The following MTMR3 variants were observed in gnomAD, a reference collection of about 807,000 sequenced individuals.
MTMR3 encodes the protein myotubularin related protein 3.
In MTMR3, 32 loss-of-function variants were observed where a neutral mutation model predicts 132.4. The ratio of observed to expected loss-of-function variants is 0.24; its 90% CI spans 0.18 to 0.32. The LOEUF (loss-of-function observed/expected upper bound fraction) is 0.32, where lower values mean the gene tolerates loss of function less well. Ranked by LOEUF, MTMR3 falls within the 10% of genes least tolerant of loss-of-function variation. The probability of loss-of-function intolerance (pLI) is 1.00; values close to 1 mark genes in which losing one functional copy is unlikely to be tolerated. For missense variants in MTMR3, 1,216 were observed against 1,489.6 expected, an observed-to-expected ratio of 0.82 and a Z score of 3.02; for synonymous variants, 556 against 550.3, an observed-to-expected ratio of 1.01 and a Z score of -0.14.
At position 30,029,873 on chromosome 22, in the gene MTMR3, A is replaced by G. The variant is rs897607037; in HGVS notation, c.*4072A>G. On this transcript the variant is annotated 3_prime_UTR_variant, in exon 20 of 20. Transcript: ENST00000401950. ...GTCACATTTTCCAGAAAGTTGTTCT[A>G]AGTTGAGATTACTGACAAGATTTCT... 2 of 152,330 alleles carry G rather than the reference A, an allele frequency of 1.3e-5. No individual in the cohort carries two copies. The highest frequency in any genetic ancestry group is 6.5e-5 in the Admixed American group (1 of 15,276). The allele number at this position is 152,330 out of a possible 1,614,324, so 9.4% of individuals were successfully genotyped here. A position where few individuals can be genotyped will look rare whatever the true frequency, so the allele number is the denominator to read the frequency against.
intron 1 of MTMR3, among the ~76,000 whole-genome samples, chr22:29,918,470 A>C (rs1374770231): frequency 6.6e-6 from 1 of 152,128 alleles, no homozygotes; most frequent in Non-Finnish European, 1.5e-5. Flanking sequence ...TTTCTTTTTC[A>C]TATATTTGCC....
chr22:29,956,427 A>G (rs1013486348), intron 1 of MTMR3, among the ~76,000 whole-genome samples: 6 of 151,958 alleles, frequency 3.9e-5, no homozygotes, highest in Non-Finnish European at 7.4e-5. Context: ...TTGTATTTTT[A>G]GTAGAGACGG....
chr22:29,926,872 C>T (rs2065527864), intron 1 of MTMR3, among the ~76,000 whole-genome samples: 1 of 152,168 alleles, frequency 6.6e-6, no homozygotes, highest in Non-Finnish European at 1.5e-5. Flanking sequence ...TCTTTAGCCA[C>T]TAAATGCTTT....
At chr22:30,001,857 A>G (rs1190453930) in intron 8 of MTMR3, 3 of 152,136 alleles carry the variant, frequency 2.0e-5, no homozygotes, top group African/African-American at 4.8e-5. Context: ...AAATTCCTGA[A>G]AATTCCAGAA....
At chr22:29,934,828 A>G (rs1432589264) in intron 1 of MTMR3, among the ~76,000 whole-genome samples, 1 of 152,262 alleles carries the variant, frequency 6.6e-6, no homozygotes, top group Non-Finnish European at 1.5e-5. Context: ...TGAATAAGAT[A>G]GTGCGTAAAA....
chr22:29,919,387 A>C lies in MTMR3; in HGVS notation c.-138+36028A>C, dbSNP rs144878410. 5.9e-5 allele frequency among the ~76,000 whole-genome samples: 9 copies of C among 152,364 alleles called. No individual in the cohort carries two copies. The East Asian group carries it at 1.7e-3, about 29-fold the overall frequency. On this transcript the variant is annotated intron_variant, in intron 1 of 19. Transcript: ENST00000401950. Reference sequence around the variant, plus strand: ...ACTGTCCAATTTTATGTGCATTGAAAGCAAAAGCTAGCTGAGAAAGGAAAG... The same window carrying C: ...ACTGTCCAATTTTATGTGCATTGAACGCAAAAGCTAGCTGAGAAAGGAAAG...
At chr22:29,997,351 G>GTGAACACTAAAGTGTTCTGAACA (rs1174213179) in intron 7 of MTMR3, 1 of 152,152 alleles carries the variant, frequency 6.6e-6, no homozygotes, top group Admixed American at 6.5e-5. Context: ...GGAGAACAAA[G>GTGAACACTAAAGTGTTCTGAACA]CTTTATACTC....
chr22:30,010,541 A>C (rs2067391616), intron 12 of MTMR3: 1 of 152,176 alleles, frequency 6.6e-6, no homozygotes, highest in Non-Finnish European at 1.5e-5. Context: ...GGATAGGGGA[A>C]TGGTAGGCTT....
rs1446203159 is a variant in MTMR3, at chr22:30,012,570, C to G, written c.1317+7C>G. The stretch of plus-strand genomic sequence containing the variant: ...TTATTACCGAACCATAGAGGTGAGC[C>G]CATCCAAATGGGAGGGGTTGGTACT... On this transcript the variant is annotated splice_region_variant and intron_variant, in intron 13 of 19. Transcript: ENST00000401950. The G allele has an allele frequency of 6.3e-7, 1 of 1,592,274 alleles. No homozygotes were observed. The highest frequency in any genetic ancestry group is 1.1e-5 in the South Asian group (1 of 88,690).
At chr22:29,901,932 A>G (rs2065008673) in intron 1 of MTMR3, among the ~76,000 whole-genome samples, 1 of 152,220 alleles carries the variant, frequency 6.6e-6, no homozygotes, top group African/African-American at 2.4e-5. Flanking sequence ...TGGATGTACA[A>G]CAACTTGTGT....
intron 9 of MTMR3, chr22:30,003,428 G>A (rs737911): frequency 0.24 from 36,395 of 151,502 alleles, 5,729 homozygotes; most frequent in Non-Finnish European, 0.36. Flanking sequence ...ACTCTGTTTC[G>A]AGAGGAAGCA....
intron 1 of MTMR3, among the ~76,000 whole-genome samples, chr22:29,937,912 A>G (rs111864548): frequency 0.016 from 2,509 of 152,236 alleles, 67 homozygotes; most frequent in African/African-American, 0.058. Context: ...TTGAGACAGG[A>G]ATAATACAGG....
At chr22:29,944,030 G>A (rs932159881) in intron 1 of MTMR3, among the ~76,000 whole-genome samples, 1 of 151,730 alleles carries the variant, frequency 6.6e-6, no homozygotes, top group Non-Finnish European at 1.5e-5. Context: ...TGTTGCCTAG[G>A]CTGTTCTCGA....
chr22:29,915,298 T>A (rs957300455), intron 1 of MTMR3, among the ~76,000 whole-genome samples: 5 of 152,258 alleles, frequency 3.3e-5, no homozygotes, highest in African/African-American at 1.2e-4. Flanking sequence ...ATTACCACAG[T>A]ATTTGCATAA....
At chr22:29,889,168 G>A (rs1428936598) in intron 1 of MTMR3, among the ~76,000 whole-genome samples, 1 of 151,978 alleles carries the variant, frequency 6.6e-6, no homozygotes, top group Non-Finnish European at 1.5e-5. Context: ...ACATGGGAAG[G>A]CAGAGTGTTT....
chr22:29,996,045 TC>T (rs1441975744), intron 7 of MTMR3: 1 of 152,246 alleles, frequency 6.6e-6, no homozygotes, highest in Non-Finnish European at 1.5e-5. Context: ...CTACCTATAG[TC>T]CTAGCTATTC....
chr22:29,937,262 C>T (rs575083621), intron 1 of MTMR3, among the ~76,000 whole-genome samples: 3 of 152,114 alleles, frequency 2.0e-5, no homozygotes, highest in Admixed American at 6.5e-5. Context: ...AATCATTGAG[C>T]GCCTACTCGA....
intron 1 of MTMR3, among the ~76,000 whole-genome samples, chr22:29,898,071 G>C (rs1343340667): frequency 6.6e-6 from 1 of 152,016 alleles, no homozygotes; most frequent in Non-Finnish European, 1.5e-5. Context: ...CGTCTCCCAG[G>C]TTCAAGTGAT....
intron 1 of MTMR3, among the ~76,000 whole-genome samples, chr22:29,914,858 T>C (rs187360777): frequency 1.3e-5 from 2 of 152,342 alleles, no homozygotes; most frequent in African/African-American, 4.8e-5. Flanking sequence ...AAATGACATA[T>C]TGTGTACTAC....
Sources: gnomAD v4.1 joint callset for allele counts (sites outside exome capture counted in the v4.1 genomes callset) on GRCh38, gnomAD v4.1.1 for gene constraint, MANE v1.5 for transcripts, NCBI Gene and HGNC (gene_info 2026-07-23, HGNC 2026-07-21) for gene names.